The following GLB1 variants were observed in gnomAD, a reference collection of about 807,000 sequenced individuals.
GLB1 encodes beta-galactosidase.
GLB1 carries 56 observed loss-of-function variants against 74.0 expected under a neutral mutation model. The observed-to-expected ratio is 0.76, with a 90% confidence interval of 0.61 to 0.94. The LOEUF is 0.94. GLB1 is among the 40% of genes least tolerant of loss of function. The probability of loss-of-function intolerance (pLI) is 0.00; values close to 1 mark genes in which losing one functional copy is unlikely to be tolerated. For synonymous variants in GLB1, 323 were observed against 323.6 expected (o/e 1.00, Z 0.02); for missense variants, 787 against 845.5 (o/e 0.93, Z 0.86).
intron 15 of GLB1, among the ~76,000 whole-genome samples, chr3:33,002,347 C>CCCTCCGTTCCTTCCTTCCTTCCAT (rs1371895554): frequency 8.8e-6 from 1 of 114,230 alleles, no homozygotes; most frequent in African/African-American, 3.1e-5. Context: ...CTCCCTCCCT[C>CCCTCCGTTCCTTCCTTCCTTCCAT]CCTTCCTTCC....
At chr3:33,008,284 T>G (rs1204398043) in intron 15 of GLB1, among the ~76,000 whole-genome samples, 1 of 152,134 alleles carries the variant, frequency 6.6e-6, no homozygotes, top group East Asian at 1.9e-4. Context: ...TAGTTACCAC[T>G]TTTTGGCTGA....
intron 1 of GLB1, among the ~76,000 whole-genome samples, chr3:33,096,185 G>C (rs1176211890): frequency 1.3e-5 from 2 of 152,154 alleles, no homozygotes; most frequent in African/African-American, 4.8e-5. Context: ...ACGTGCAGAG[G>C]AGCAGCTTGC....
chr3:33,034,476 G>A (rs903096267), intron 10 of GLB1: 2 of 731,978 alleles, frequency 2.7e-6, no homozygotes, highest in Admixed American at 1.8e-5. Context: ...TGGAAGCACA[G>A]TGACTGGGTT....
chr3:33,016,266 G>T (rs1003222359), intron 14 of GLB1, among the ~76,000 whole-genome samples: 4 of 152,150 alleles, frequency 2.6e-5, no homozygotes, highest in Non-Finnish European at 5.9e-5. Flanking sequence ...CTTTCTATAG[G>T]ATGACCAAAC....
chr3:32,999,095 T>C (rs1358825174), intron 15 of GLB1, among the ~76,000 whole-genome samples: 1 of 152,184 alleles, frequency 6.6e-6, no homozygotes. Flanking sequence ...GGTGTTCCAA[T>C]GCCTACAAAA....
In GLB1 at chr3:33,081,674, A is replaced by C. The variant is rs114782900; in HGVS notation, c.76-8961T>G. On this transcript the variant is annotated intron_variant, in intron 1 of 15. Transcript: ENST00000307363. ...CTGGGGATGATGAGGTTCTGGCATAACCAGCATGGGACCGCTTAACCATCA... is the reference window on the plus strand; with the variant it reads ...CTGGGGATGATGAGGTTCTGGCATACCCAGCATGGGACCGCTTAACCATCA... Among the ~76,000 whole-genome samples, 499 of 152,314 alleles carry C rather than the reference A, an allele frequency of 3.3e-3. 3 individuals carry two copies. Among genetic ancestry groups the C allele is most frequent in the African/African-American group, 0.011 (468 of 41,558 alleles).
intron 1 of GLB1, among the ~76,000 whole-genome samples, chr3:33,090,168 T>C (rs947780799): frequency 6.6e-6 from 1 of 152,230 alleles, no homozygotes; most frequent in Non-Finnish European, 1.5e-5. Flanking sequence ...TCATTGGATA[T>C]GATAATGACA....
chr3:33,019,195 G>A (rs368578373), intron 12 of GLB1, among the ~76,000 whole-genome samples: 29 of 152,190 alleles, frequency 1.9e-4, no homozygotes, highest in African/African-American at 6.3e-4. Context: ...GTGGAGGAAC[G>A]GGGGAAAGAA....
At chr3:33,026,663 G>A (rs1264109133) in intron 10 of GLB1, among the ~76,000 whole-genome samples, 1 of 152,156 alleles carries the variant, frequency 6.6e-6, no homozygotes, top group Non-Finnish European at 1.5e-5. Flanking sequence ...CCCCACTGAA[G>A]CCCATAACAA....
the GLB1 span, among the ~76,000 whole-genome samples, chr3:32,981,772 C>CAAA: frequency 5.5e-3 from 765 of 138,226 alleles, 7 homozygotes; most frequent in African/African-American, 0.019. Context: ...GACTCCATCT[C>CAAA]AAAAAAAAAA....
Position 33,061,957 on chromosome 3 carries a change from C to T in GLB1, c.552+3506G>A, listed in dbSNP as rs142525445. Among the ~76,000 whole-genome samples the T allele has an allele frequency of 3.8e-3, 582 of 152,260 alleles. 6 individuals are homozygous for T. Among genetic ancestry groups the T allele is most frequent in the African/African-American group, 0.013 (539 of 41,548 alleles). On this transcript the variant is annotated intron_variant, in intron 5 of 15. Transcript: ENST00000307363. ...CTGGTTTCCTGTATCTGTAACACAACAGTGTTGAGGGCCCTAAATGTTCTC... is the reference window on the plus strand; with the variant it reads ...CTGGTTTCCTGTATCTGTAACACAATAGTGTTGAGGGCCCTAAATGTTCTC...
At chr3:33,085,218 T>G (rs1191123264) in intron 1 of GLB1, among the ~76,000 whole-genome samples, 29 of 138,826 alleles carry the variant, frequency 2.1e-4, no homozygotes, top group Non-Finnish European at 1.5e-5. Flanking sequence ...CAGGCTGCAG[T>G]GAGTAGTGAT....
chr3:33,037,813 A>G (rs1324147300), intron 10 of GLB1: 1 of 152,240 alleles, frequency 6.6e-6, no homozygotes, highest in Non-Finnish European at 1.5e-5. Context: ...TTGAAATTTT[A>G]CAATGACATA....
chr3:33,008,089 C>T (rs868700926), intron 15 of GLB1, among the ~76,000 whole-genome samples: 5 of 152,174 alleles, frequency 3.3e-5, no homozygotes, highest in African/African-American at 1.2e-4. Flanking sequence ...GTAACTCTTG[C>T]GTGTGACACC....
intron 2 of GLB1, among the ~76,000 whole-genome samples, chr3:33,069,423 T>C (rs541779406): frequency 6.6e-6 from 1 of 152,232 alleles, no homozygotes; most frequent in East Asian, 1.9e-4. Context: ...TTATCCAGAA[T>C]TTGGATATAA....
chr3:33,043,955 T>A (rs917107165), intron 10 of GLB1, among the ~76,000 whole-genome samples: 5 of 151,394 alleles, frequency 3.3e-5, no homozygotes, highest in South Asian at 2.1e-4. Context: ...TTTGCCCACC[T>A]AATAACATAA....
intron 1 of GLB1, among the ~76,000 whole-genome samples, chr3:33,074,485 G>A (rs1464145888): frequency 6.6e-6 from 1 of 151,994 alleles, no homozygotes; most frequent in East Asian, 1.9e-4. Flanking sequence ...ATGTACGCAT[G>A]TATATTTGGT....
chr3:33,063,214 AG>A (rs1699522709), intron 5 of GLB1, among the ~76,000 whole-genome samples: 1 of 152,162 alleles, frequency 6.6e-6, no homozygotes, highest in African/African-American at 2.4e-5. Flanking sequence ...CACAGAAAAT[AG>A]GTCACACAGA....
intron 14 of GLB1, 126 bp downstream of exon 14, chr3:33,016,583 C>T: frequency 6.5e-7 from 1 of 1,539,614 alleles, no homozygotes; most frequent in Non-Finnish European, 8.9e-7. Flanking sequence ...AACTCCTGGC[C>T]TCAAGTGATC....
Sources: allele counts gnomAD v4.1 joint callset (sites outside exome capture counted in the v4.1 genomes callset), GRCh38; gene constraint gnomAD v4.1.1; transcripts MANE v1.5; gene names NCBI Gene and HGNC (gene_info 2026-07-23, HGNC 2026-07-21).